BCL2L15: variants seen among roughly 807,000 people sequenced by gnomAD.
BCL2L15 encodes bcl-2-like protein 15.
BCL2L15 carries 15 observed loss-of-function variants against 18.3 expected under a neutral mutation model. The observed-to-expected ratio is 0.82, with a 90% confidence interval of 0.55 to 1.26. The LOEUF is 1.26. BCL2L15 is among the 50% of genes most tolerant of loss of function. The probability of loss-of-function intolerance (pLI) is 0.00; values close to 1 mark genes in which losing one functional copy is unlikely to be tolerated. For synonymous variants in BCL2L15, 58 were observed against 68.5 expected, an observed-to-expected ratio of 0.85 and a Z score of 0.76; for missense variants, 180 against 201.7, an observed-to-expected ratio of 0.89 and a Z score of 0.65.
intron 3 of BCL2L15, 107 bp from the exon 4 acceptor site, chr1:113,881,247 A>G: frequency 2.0e-6 from 3 of 1,532,860 alleles, no homozygotes; most frequent in Non-Finnish European, 2.7e-6. Context: ...AGCTCTTATT[A>G]AGGCTTTCAC....
rs1365952008 is a variant in BCL2L15 at position 113,887,242 on chromosome 1, A to G, written c.127+7T>C. 6.2e-7 allele frequency: 1 copy of G among 1,613,686 alleles called. No individual in the cohort carries two copies. Among genetic ancestry groups the G allele is most frequent in the Non-Finnish European group, 8.5e-7 (1 of 1,179,732 alleles). ...CCTGCAATCACCGCCTAGGGCAGGA[A>G]CCTTACCTGAATCTACTTCATCTAC... is the stretch of plus-strand genomic sequence containing the variant. On this transcript the variant is annotated splice_region_variant and intron_variant, in intron 1 of 3. Transcript: ENST00000393316.
intron 3 of BCL2L15, chr1:113,881,518 G>T: frequency 7.3e-7 from 1 of 1,367,634 alleles, no homozygotes; most frequent in East Asian, 2.7e-5. Context: ...ATTATGTGTA[G>T]GAAATGAAGA....
chr1:113,882,725 G>A (rs1256686648), intron 2 of BCL2L15, among the ~76,000 whole-genome samples: 1 of 152,120 alleles, frequency 6.6e-6, no homozygotes, highest in African/African-American at 2.4e-5. Flanking sequence ...GATCACATGA[G>A]GTCAGGAGTT....
At position 113,886,524 on chromosome 1, in the gene BCL2L15, G is replaced by A. The variant is rs748717712; in HGVS notation, c.249+13C>T. On this transcript the variant is annotated intron_variant, in intron 2 of 3. Transcript: ENST00000393316. ...AAAAAGCAGCAAACAATAGCATGAA[G>A]TAGAAACTTGACCTGTCCCTTAATG... 1 of 1,598,108 alleles carries A rather than the reference G, an allele frequency of 6.3e-7. No homozygotes were observed. Among genetic ancestry groups the A allele is most frequent in the East Asian group, 2.2e-5 (1 of 44,780 alleles).
chr1:113,882,071 G>A lies in BCL2L15; in HGVS notation c.250-74C>T, dbSNP rs925465236. 4 of 1,223,638 alleles carry A rather than the reference G, an allele frequency of 3.3e-6. No homozygotes were observed. The African/African-American group carries it at 6.0e-5, about 18-fold the overall frequency. The allele number at this position is 1,223,638 out of a possible 1,614,324, so 75.8% of individuals were successfully genotyped here. Reference sequence around the variant, plus strand: ...AGGAGGCTGCAGGTGCAGGAATCCAGTAAAGCAATTGTTTCTTAGAGTGCC... The same window carrying A: ...AGGAGGCTGCAGGTGCAGGAATCCAATAAAGCAATTGTTTCTTAGAGTGCC... On this transcript the variant is annotated intron_variant, in intron 2 of 3. Coordinates refer to ENST00000393316, the MANE Select transcript of BCL2L15 (RefSeq NM_001010922.3).
intron 2 of BCL2L15, among the ~76,000 whole-genome samples, chr1:113,882,791 G>C (rs1666917324): frequency 8.4e-6 from 1 of 119,734 alleles, no homozygotes; most frequent in Admixed American, 7.2e-5. Flanking sequence ...ATTTTAAAAA[G>C]TAGCTAGGCA....
rs528152624 is a variant in BCL2L15 at position 113,886,909 on chromosome 1, T to G, written c.128-251A>C. Among the ~76,000 whole-genome samples the G allele has an allele frequency of 4.2e-4, 63 of 151,508 alleles. 1 individual carries two copies. The East Asian group carries it at 0.012, about 28-fold the overall frequency. On this transcript the variant is annotated intron_variant, in intron 1 of 3. Transcript: ENST00000393316. ...AAGGAAATAAATAAAATATACTGTTTTTTTTTTTTTGAGACCGAGTCTCTG... is the reference window on the plus strand; with the variant it reads ...AAGGAAATAAATAAAATATACTGTTGTTTTTTTTTTGAGACCGAGTCTCTG...
rs184963665 is a variant in BCL2L15 at position 113,887,103 on chromosome 1, G to C, written c.127+146C>G. On this transcript the variant is annotated intron_variant, in intron 1 of 3. Coordinates refer to ENST00000393316, the MANE Select transcript of BCL2L15 (RefSeq NM_001010922.3). ...AGTAGAGATGGGGTTTCACCACGTTGGCCAGGCGGATCTCAAACCCCTGAC... is the reference window on the plus strand; with the variant it reads ...AGTAGAGATGGGGTTTCACCACGTTCGCCAGGCGGATCTCAAACCCCTGAC... The C allele has an allele frequency of 2.5e-3, 1,711 of 683,688 alleles. 15 individuals carry two copies. The highest frequency in any genetic ancestry group is 2.2e-3 in the Non-Finnish European group (899 of 411,172). The allele number at this position is 683,688 out of a possible 1,614,324, so 42.4% of individuals were successfully genotyped here. A position where few individuals can be genotyped will look rare whatever the true frequency, so the allele number is the denominator to read the frequency against.
chr1:113,879,661 C>T lies in BCL2L15; in HGVS notation c.*1462G>A, dbSNP rs563082790. ...AGGACTGTAATAGAGTTTCAGTTAC[C>T]AAGGAGAAATGTTGATTTAGAGAAG... On this transcript the variant is annotated 3_prime_UTR_variant, in exon 4 of 4. Transcript: ENST00000393316. 1 of 152,100 alleles carries T rather than the reference C, an allele frequency of 6.6e-6. No homozygotes were observed. Among genetic ancestry groups the T allele is most frequent in the Non-Finnish European group, 1.5e-5 (1 of 68,030 alleles). The allele number at this position is 152,100 out of a possible 1,614,324, so 9.4% of individuals were successfully genotyped here. A position where few individuals can be genotyped will look rare whatever the true frequency, so the allele number is the denominator to read the frequency against.
Position 113,881,077 on chromosome 1 carries a change from A to C in BCL2L15, c.*46T>G. ...ATTCCCAGGAATCAATCACCCAATC[A>C]GTCAACAAGGAAGTGATGTTCAGTC... is the stretch of plus-strand genomic sequence containing the variant. On this transcript the variant is annotated 3_prime_UTR_variant, in exon 4 of 4. Transcript: ENST00000393316. The C allele has an allele frequency of 6.2e-7, 1 of 1,613,826 alleles. No individual in the cohort carries two copies. Among genetic ancestry groups the C allele is most frequent in the Non-Finnish European group, 8.5e-7 (1 of 1,179,714 alleles).
rs1283794612 is a variant in BCL2L15, at chr1:113,878,710, C to T, written c.*2413G>A. ...ACTCATCATCTTGAGTTTATAGTAA[C>T]ATAAGGGACAAAGGAGTACAAGTTT... On this transcript the variant is annotated 3_prime_UTR_variant, in exon 4 of 4. Coordinates refer to ENST00000393316, the MANE Select transcript of BCL2L15 (RefSeq NM_001010922.3). 6.6e-6 allele frequency: 1 copy of T among 152,148 alleles called. No individual in the cohort carries two copies. The highest frequency in any genetic ancestry group is 1.9e-4 in the East Asian group (1 of 5,336). The allele number at this position is 152,148 out of a possible 1,614,324, so 9.4% of individuals were successfully genotyped here. A position where few individuals can be genotyped will look rare whatever the true frequency, so the allele number is the denominator to read the frequency against.
intron 2 of BCL2L15, among the ~76,000 whole-genome samples, chr1:113,882,895 G>A (rs1002851464): frequency 1.3e-5 from 2 of 151,116 alleles, no homozygotes; most frequent in Non-Finnish European, 3.0e-5. Flanking sequence ...AGCTATCATT[G>A]AGCCACTACA....
intron 3 of BCL2L15, chr1:113,881,424 GA>G: frequency 7.7e-6 from 10 of 1,306,086 alleles, no homozygotes; most frequent in East Asian, 5.5e-5. Flanking sequence ...GAGAAGTTAG[GA>G]AAAAAAGACC....
Position 113,877,564 on chromosome 1 carries a change from C to T in BCL2L15, c.*3559G>A, listed in dbSNP as rs1365706239. 6.6e-6 allele frequency among the ~76,000 whole-genome samples: 1 copy of T among 152,080 alleles called. No individual in the cohort carries two copies. Among genetic ancestry groups the T allele is most frequent in the African/African-American group, 2.4e-5 (1 of 41,408 alleles). Reference sequence around the variant, plus strand: ...TCTTGATTTAAAAAATAAATGCCCCCTTCTGATAAGATGTTTAAGTCTTGT... The same window carrying T: ...TCTTGATTTAAAAAATAAATGCCCCTTTCTGATAAGATGTTTAAGTCTTGT... On this transcript the variant is annotated 3_prime_UTR_variant, in exon 4 of 4. Transcript: ENST00000393316.
At chr1:113,885,945 C>T (rs977161560) in intron 2 of BCL2L15, among the ~76,000 whole-genome samples, 3 of 150,670 alleles carry the variant, frequency 2.0e-5, no homozygotes, top group Admixed American at 6.6e-5. Context: ...TGGTAGCTCA[C>T]GCCTATAATC....
chr1:113,885,147 G>C (rs1418091075), intron 2 of BCL2L15, among the ~76,000 whole-genome samples: 1 of 151,930 alleles, frequency 6.6e-6, no homozygotes, highest in Non-Finnish European at 1.5e-5. Flanking sequence ...GTAGAGATGG[G>C]GTTTCACTAT....
chr1:113,883,611 T>C (rs1170223079), intron 2 of BCL2L15, among the ~76,000 whole-genome samples: 1 of 134,116 alleles, frequency 7.5e-6, no homozygotes, highest in Admixed American at 7.7e-5. Flanking sequence ...CCGTCTCTAC[T>C]AAAATACAAA....
intron 2 of BCL2L15, among the ~76,000 whole-genome samples, chr1:113,884,238 C>T (rs1666965451): frequency 6.6e-6 from 1 of 152,198 alleles, no homozygotes; most frequent in South Asian, 2.1e-4. Flanking sequence ...ATGCAATGCA[C>T]TGAGAACACA....
At position 113,887,382 on chromosome 1, in the gene BCL2L15, T is replaced by A. The variant is rs768208657; in HGVS notation, c.-7A>T. 1.2e-6 allele frequency: 2 copies of A among 1,614,100 alleles called. No homozygotes were observed. The highest frequency in any genetic ancestry group is 1.7e-6 in the Non-Finnish European group (2 of 1,179,964). ...AAGTTTGGGAGCTCTTCATTTTAGA[T>A]GTTTGCTGTCAAGTTTTGCTTTTCC... On this transcript the variant is annotated 5_prime_UTR_variant, in exon 1 of 4. Coordinates refer to ENST00000393316, the MANE Select transcript of BCL2L15 (RefSeq NM_001010922.3).
Sources: gnomAD v4.1 joint callset for allele counts (sites outside exome capture counted in the v4.1 genomes callset) on GRCh38, gnomAD v4.1.1 for gene constraint, MANE v1.5 for transcripts, NCBI Gene and HGNC (gene_info 2026-07-23, HGNC 2026-07-21) for gene names.